KCNIP1: variants seen among roughly 807,000 people sequenced by gnomAD.
The protein encoded by KCNIP1 is potassium voltage-gated channel interacting protein 1, also known as A-type potassium channel modulatory protein KCNIP1.
A neutral mutation model predicts 33.0 loss-of-function variants in KCNIP1; 18 were observed. The observed-to-expected ratio is 0.55, with a 90% CI of 0.38 to 0.81. The LOEUF (loss-of-function observed/expected upper bound fraction) is 0.81, where lower values mean the gene tolerates loss of function less well. Among genes scored for constraint, KCNIP1 ranks in the 30% least tolerant of loss-of-function variants. KCNIP1 has a pLI of 0.00. For synonymous variants in KCNIP1, 93 were observed against 98.3 expected (o/e 0.95, Z 0.32); for missense variants, 238 against 271.6 (o/e 0.88, Z 0.87).
chr5:170,451,856 T>C (rs1011290991), intron 1 of KCNIP1, among the ~76,000 whole-genome samples: 1 of 151,446 alleles, frequency 6.6e-6, no homozygotes, highest in Admixed American at 6.6e-5. Context: ...TAATATTCCT[T>C]GAGAAAAAGA....
chr5:170,370,916 T>C (rs1763825510), intron 1 of KCNIP1, among the ~76,000 whole-genome samples: 2 of 152,192 alleles, frequency 1.3e-5, no homozygotes, highest in Admixed American at 6.5e-5. Flanking sequence ...CAAGAAGGTA[T>C]GACATGGCCT....
At chr5:170,692,923 T>C (rs1388728335) in intron 1 of KCNIP1, among the ~76,000 whole-genome samples, 1 of 152,228 alleles carries the variant, frequency 6.6e-6, no homozygotes, top group Non-Finnish European at 1.5e-5. Context: ...AAACTTGCTA[T>C]CTCCAGAGGA....
At chr5:170,436,911 G>C (rs1755877673) in intron 1 of KCNIP1, among the ~76,000 whole-genome samples, 1 of 152,176 alleles carries the variant, frequency 6.6e-6, no homozygotes, top group African/African-American at 2.4e-5. Context: ...CCATCACTAG[G>C]TTCATGGCTG....
chr5:170,587,573 C>G (rs930730619), intron 1 of KCNIP1, among the ~76,000 whole-genome samples: 3 of 152,146 alleles, frequency 2.0e-5, no homozygotes, highest in Non-Finnish European at 4.4e-5. Context: ...TGTTTCCTTG[C>G]CTGTTACAGC....
In KCNIP1 at chr5:170,547,174, T is replaced by C. The variant is rs371428661; in HGVS notation, c.61+42541T>C. 1.6e-4 allele frequency among the ~76,000 whole-genome samples: 24 copies of C among 152,328 alleles called. No individual in the cohort carries two copies. The East Asian group carries it at 2.9e-3, about 18-fold the overall frequency. ...GTCTAACTTTTCTCTCTAACTACTTTTAATATTTCTCCGTCACAGGTTGTG... is the reference window on the plus strand; with the variant it reads ...GTCTAACTTTTCTCTCTAACTACTTCTAATATTTCTCCGTCACAGGTTGTG... On this transcript the variant is annotated intron_variant, in intron 1 of 7. Coordinates refer to ENST00000328939, the MANE Select transcript of KCNIP1 (RefSeq NM_014592.4).
At chr5:170,455,441 G>A (rs570467485) in intron 1 of KCNIP1, among the ~76,000 whole-genome samples, 49 of 152,318 alleles carry the variant, frequency 3.2e-4, no homozygotes, top group African/African-American at 1.1e-3. Flanking sequence ...CCAGGCTCAG[G>A]TGATACATGG....
At chr5:170,392,387 A>C (rs564027348) in intron 1 of KCNIP1, among the ~76,000 whole-genome samples, 1 of 152,360 alleles carries the variant, frequency 6.6e-6, no homozygotes, top group South Asian at 2.1e-4. Flanking sequence ...GTAATTTGTT[A>C]TGCAGTCATA....
At chr5:170,405,465 A>G (rs900914744) in intron 1 of KCNIP1, among the ~76,000 whole-genome samples, 3 of 152,140 alleles carry the variant, frequency 2.0e-5, no homozygotes, top group Admixed American at 1.3e-4. Context: ...TGGCCTCCCA[A>G]AGTGCTGGGA....
chr5:170,395,862 G>A (rs1164884559), intron 1 of KCNIP1, among the ~76,000 whole-genome samples: 3 of 152,216 alleles, frequency 2.0e-5, no homozygotes, highest in African/African-American at 4.8e-5. Context: ...CAGTGGCCCT[G>A]ACAGATAATG....
intron 1 of KCNIP1, among the ~76,000 whole-genome samples, chr5:170,551,711 C>T (rs754210364): frequency 1.1e-4 from 17 of 150,112 alleles, no homozygotes; most frequent in Admixed American, 2.6e-4. Flanking sequence ...TGGCGTGTGA[C>T]TGTGTATATG....
chr5:170,666,929 G>A (rs1404649446), intron 1 of KCNIP1, among the ~76,000 whole-genome samples: 1 of 152,202 alleles, frequency 6.6e-6, no homozygotes, highest in East Asian at 1.9e-4. Flanking sequence ...CGTGATAGTT[G>A]GCCTCATTTT....
chr5:170,519,482 G>A (rs1308353146), intron 1 of KCNIP1, among the ~76,000 whole-genome samples: 1 of 152,222 alleles, frequency 6.6e-6, no homozygotes, highest in Admixed American at 6.5e-5. Flanking sequence ...TGGCCCTAGG[G>A]AAGTATTTCT....
At chr5:170,420,603 GT>G (rs1241119393) in intron 1 of KCNIP1, 1 of 151,888 alleles carries the variant, frequency 6.6e-6, no homozygotes, top group Non-Finnish European at 1.5e-5. Flanking sequence ...TTAATCAACT[GT>G]CTATGTTATG....
intron 1 of KCNIP1, among the ~76,000 whole-genome samples, chr5:170,472,148 A>C (rs1756743481): frequency 6.6e-6 from 1 of 152,188 alleles, no homozygotes. Flanking sequence ...CCTGCTGCAG[A>C]CTATGCTCAG....
intron 1 of KCNIP1, among the ~76,000 whole-genome samples, chr5:170,617,024 C>T (rs1759402150): frequency 6.6e-6 from 1 of 151,806 alleles, no homozygotes; most frequent in Non-Finnish European, 1.5e-5. Context: ...CTCCACCAAG[C>T]AGCACACTCT....
chr5:170,419,287 C>T (rs1755415747), intron 1 of KCNIP1, among the ~76,000 whole-genome samples: 1 of 152,106 alleles, frequency 6.6e-6, no homozygotes, highest in African/African-American at 2.4e-5. Flanking sequence ...CACAGCAGGA[C>T]CCCGATGCCA....
At chr5:170,704,702 T>C (rs376015856) in intron 1 of KCNIP1, among the ~76,000 whole-genome samples, 2 of 152,210 alleles carry the variant, frequency 1.3e-5, no homozygotes, top group South Asian at 4.1e-4. Context: ...ATCTAGGCAC[T>C]AGCCCTGGGG....
intron 1 of KCNIP1, among the ~76,000 whole-genome samples, chr5:170,438,748 A>G (rs1439889113): frequency 6.6e-6 from 1 of 151,326 alleles, no homozygotes; most frequent in Non-Finnish European, 1.5e-5. Flanking sequence ...GGTCTAGAAC[A>G]CTCCCTGTAT....
At chr5:170,415,265 G>A (rs1236093985) in intron 1 of KCNIP1, among the ~76,000 whole-genome samples, 1 of 152,160 alleles carries the variant, frequency 6.6e-6, no homozygotes, top group Non-Finnish European at 1.5e-5. Context: ...TTTGCCGTCT[G>A]CCTGTCCCTC....
Sources: allele counts gnomAD v4.1 joint callset (sites outside exome capture counted in the v4.1 genomes callset), GRCh38; gene constraint gnomAD v4.1.1; transcripts MANE v1.5; gene names NCBI Gene and HGNC (gene_info 2026-07-23, HGNC 2026-07-21).